Variants in TAOK1 observed in about 807,000 individuals in gnomAD.
TAOK1 encodes serine/threonine-protein kinase TAO1.
Under a neutral mutation model 138.3 loss-of-function variants are expected in TAOK1, and 21 were observed. That is an observed-to-expected ratio of 0.15 (90% confidence interval 0.11 to 0.22). The LOEUF (loss-of-function observed/expected upper bound fraction) is 0.22. Among genes scored for constraint, TAOK1 ranks in the 10% least tolerant of loss-of-function variants. TAOK1 has a pLI of 1.00. For synonymous variants in TAOK1, 361 were observed against 398.4 expected (o/e 0.91, Z 1.12); for missense variants, 651 against 1,227.7 (o/e 0.53, Z 7.02).
intron 8 of TAOK1, among the ~76,000 whole-genome samples, chr17:29,486,277 A>C (rs1006055196): frequency 3.0e-4 from 46 of 152,198 alleles, no homozygotes; most frequent in African/African-American, 1.1e-3. Context: ...TGACAGACCA[A>C]GACTTTATCT....
At chr17:29,523,461 C>T (rs2031956361) in intron 17 of TAOK1, among the ~76,000 whole-genome samples, 1 of 152,158 alleles carries the variant, frequency 6.6e-6, no homozygotes, top group African/African-American at 2.4e-5. Context: ...GATCTTGGCT[C>T]ATTGCAAGCT....
chr17:29,511,139 A>AT (rs1180807058), intron 15 of TAOK1, 147 bp downstream of exon 15: 2 of 559,354 alleles, frequency 3.6e-6, no homozygotes, highest in Non-Finnish European at 5.8e-6. Context: ...GACATTGATT[A>AT]TAATCAGTTA....
chr17:29,396,641 A>T (rs1046218256), intron 1 of TAOK1, among the ~76,000 whole-genome samples: 6 of 152,224 alleles, frequency 3.9e-5, no homozygotes, highest in African/African-American at 1.4e-4. Context: ...AATATTATCA[A>T]ATAATAGGAT....
At chr17:29,441,874 G>A (rs936406382) in intron 1 of TAOK1, among the ~76,000 whole-genome samples, 2 of 151,778 alleles carry the variant, frequency 1.3e-5, no homozygotes, top group African/African-American at 4.8e-5. Context: ...ACTCCAGCCT[G>A]GTGACAGAGC....
rs2032468161 is a variant in TAOK1 at position 29,550,273 on chromosome 17, G to A, written c.*7251G>A. 6.6e-6 allele frequency: 1 copy of A among 152,202 alleles called. No individual in the cohort carries two copies. Among genetic ancestry groups the A allele is most frequent in the African/African-American group, 2.4e-5 (1 of 41,460 alleles). 9.4% of individuals were successfully genotyped at this position (152,202 alleles called of 1,614,324 possible). On this transcript the variant is annotated 3_prime_UTR_variant, in exon 20 of 20. Transcript: ENST00000261716. ...TCTTTTGCAAAAGCAATGGTCGGAT[G>A]TAAATAACATTTAAAGTATAGTGCA...
chr17:29,479,999 AGTATGGAT>A (rs1468312102), intron 6 of TAOK1: 5 of 153,900 alleles, frequency 3.2e-5, no homozygotes, highest in African/African-American at 1.2e-4. Flanking sequence ...TTTTAAGTTA[AGTATGGAT>A]ACTCAGAAAT....
At chr17:29,398,050 C>T (rs1021466212) in intron 1 of TAOK1, among the ~76,000 whole-genome samples, 1 of 151,948 alleles carries the variant, frequency 6.6e-6, no homozygotes, top group East Asian at 1.9e-4. Flanking sequence ...AAGTTTTTTT[C>T]GAGAAACGGG....
chr17:29,522,621 CTA>C (rs2031939375), intron 17 of TAOK1, 102 bp downstream of exon 17: 1 of 1,475,472 alleles, frequency 6.8e-7, no homozygotes, highest in African/African-American at 1.4e-5. Flanking sequence ...AAGAAATTGA[CTA>C]AGCTTCTTTT....
intron 1 of TAOK1, among the ~76,000 whole-genome samples, chr17:29,429,420 G>A (rs944194025): frequency 6.6e-6 from 1 of 151,790 alleles, no homozygotes; most frequent in Non-Finnish European, 1.5e-5. Flanking sequence ...GATTACAGGT[G>A]CACGCCACCA....
At chr17:29,490,166 A>C (rs1264228072) in intron 9 of TAOK1, among the ~76,000 whole-genome samples, 1 of 152,090 alleles carries the variant, frequency 6.6e-6, no homozygotes, top group Admixed American at 6.6e-5. Context: ...ATGATATAAA[A>C]ATATAAGTAA....
In TAOK1 at chr17:29,534,103, C is replaced by A; in HGVS notation, c.2362-15C>A. 6.4e-7 allele frequency: 1 copy of A among 1,570,826 alleles called. No individual in the cohort carries two copies. The highest frequency in any genetic ancestry group is 8.6e-7 in the Non-Finnish European group (1 of 1,162,264). On this transcript the variant is annotated splice_polypyrimidine_tract_variant and intron_variant, in intron 18 of 19. Coordinates refer to ENST00000261716, the MANE Select transcript of TAOK1 (RefSeq NM_020791.4). ...GGATATATCTTTTTTTTTTCTCTCT[C>A]TCTCTCTGTCTCAGCTGCGTTTGGA...
chr17:29,522,608 A>AATTTCTTTATGAC, intron 17 of TAOK1, 89 bp downstream of exon 17: 2 of 1,522,434 alleles, frequency 1.3e-6, no homozygotes, highest in Non-Finnish European at 1.8e-6. Flanking sequence ...ATGTCTAGTC[A>AATTTCTTTATGAC]TAAAGAAATT....
At chr17:29,425,907 G>A (rs1372863730) in intron 1 of TAOK1, among the ~76,000 whole-genome samples, 1 of 152,156 alleles carries the variant, frequency 6.6e-6, no homozygotes, top group Non-Finnish European at 1.5e-5. Context: ...TTGAGACGGA[G>A]TCTCGCTCTG....
intron 1 of TAOK1, among the ~76,000 whole-genome samples, chr17:29,424,048 CAAAA>C (rs34530466): frequency 2.5e-4 from 28 of 112,842 alleles, no homozygotes; most frequent in Non-Finnish European, 3.4e-4. Context: ...GACCCTGTCT[CAAAA>C]AAAAAAAAAA....
At chr17:29,446,448 A>G (rs959706430) in intron 1 of TAOK1, among the ~76,000 whole-genome samples, 1 of 152,040 alleles carries the variant, frequency 6.6e-6, no homozygotes, top group Non-Finnish European at 1.5e-5. Context: ...TCACCGTGTT[A>G]GCCAGGATGG....
intron 3 of TAOK1, among the ~76,000 whole-genome samples, chr17:29,468,490 T>C (rs1422904320): frequency 6.6e-6 from 1 of 151,970 alleles, no homozygotes; most frequent in African/African-American, 2.4e-5. Flanking sequence ...GGAAAGATTA[T>C]CAGTTTCTAA....
Position 29,502,657 on chromosome 17 carries a change from A to G in TAOK1, c.1272A>G (p.Gln424=). 1 of 1,614,090 alleles carries G rather than the reference A, an allele frequency of 6.2e-7. No homozygotes were observed. Among genetic ancestry groups the G allele is most frequent in the African/African-American group, 1.3e-5 (1 of 75,038 alleles). ...TRASDPQSPP[Q]VSRHKSHYRN... ...CATCAGATCCACAATCTCCACCCCA[A>G]GTATCTCGTCACAAATCACACTATC... Residue 424 remains glutamine, a synonymous_variant, in exon 13 of 20, where the codon CAA becomes CAG. Coordinates refer to ENST00000261716, the MANE Select transcript of TAOK1 (RefSeq NM_020791.4).
At position 29,498,218 on chromosome 17, in the gene TAOK1, ACTGT is replaced by A. The variant is rs552870915; in HGVS notation, c.1000-96_1000-93del. On this transcript the variant is annotated intron_variant, in intron 11 of 19. Coordinates refer to ENST00000261716, the MANE Select transcript of TAOK1 (RefSeq NM_020791.4). ...TCTCATGATAGACCAACTTTCTGAGACTGTCTGCCAAGTGGTATGCTAGGTGCTT... is the reference window on the plus strand; with the variant it reads ...TCTCATGATAGACCAACTTTCTGAGACTGCCAAGTGGTATGCTAGGTGCTT... 1,159 of 1,204,462 alleles carry A rather than the reference ACTGT, an allele frequency of 9.6e-4. 2 individuals are homozygous for A. Among genetic ancestry groups the A allele is most frequent in the Non-Finnish European group, 1.1e-3 (906 of 841,476 alleles). 74.6% of individuals were successfully genotyped at this position (1,204,462 alleles called of 1,614,324 possible).
intron 16 of TAOK1, among the ~76,000 whole-genome samples, chr17:29,520,568 C>T (rs2031895641): frequency 6.6e-6 from 1 of 151,842 alleles, no homozygotes; most frequent in African/African-American, 2.4e-5. Flanking sequence ...CATGCACCAC[C>T]ATGGCCTGGT....
Sources: gnomAD v4.1 joint callset for allele counts (sites outside exome capture counted in the v4.1 genomes callset) on GRCh38, gnomAD v4.1.1 for gene constraint, MANE v1.5 for transcripts, NCBI Gene and HGNC (gene_info 2026-07-23, HGNC 2026-07-21) for gene names.